Variants in SCHIP1 observed in about 807,000 individuals in gnomAD.
The protein encoded by SCHIP1 is schwannomin-interacting protein 1.
A neutral mutation model predicts 29.7 loss-of-function variants in SCHIP1; 8 were observed. That is an observed-to-expected ratio of 0.27 (90% CI 0.16 to 0.49). The LOEUF is 0.49. Among genes scored for constraint, SCHIP1 ranks in the 20% least tolerant of loss-of-function variants. The probability of loss-of-function intolerance (pLI) is 0.99; values close to 1 mark genes in which losing one functional copy is unlikely to be tolerated. For synonymous variants in SCHIP1, 76 were observed against 94.9 expected, an observed-to-expected ratio of 0.80 and a Z score of 1.16; for missense variants, 193 against 294.6, an observed-to-expected ratio of 0.66 and a Z score of 2.52.
At chr3:159,513,926 T>G in the SCHIP1 span, among the ~76,000 whole-genome samples, 1 of 152,266 alleles carries the variant, frequency 6.6e-6, no homozygotes, top group Non-Finnish European at 1.5e-5. Context: ...GATTAAAGAT[T>G]GGTCTTTCTA....
the SCHIP1 span, among the ~76,000 whole-genome samples, chr3:159,615,497 A>G: frequency 6.6e-6 from 1 of 152,236 alleles, no homozygotes; most frequent in Non-Finnish European, 1.5e-5. Flanking sequence ...AGAGAGCTAC[A>G]GTTGGCCTAC....
At chr3:159,354,692 G>C in the SCHIP1 span, among the ~76,000 whole-genome samples, 1 of 152,088 alleles carries the variant, frequency 6.6e-6, no homozygotes, top group Non-Finnish European at 1.5e-5. Context: ...AATCTGACTG[G>C]CAGGAAAAGG....
At chr3:159,776,459 G>C in the SCHIP1 span, among the ~76,000 whole-genome samples, 2 of 151,070 alleles carry the variant, frequency 1.3e-5, no homozygotes, top group South Asian at 2.1e-4. Flanking sequence ...CTCTAAAATT[G>C]GTTCGGCAAG....
chr3:159,783,372 C>T, the SCHIP1 span, among the ~76,000 whole-genome samples: 3 of 152,138 alleles, frequency 2.0e-5, no homozygotes, highest in Admixed American at 6.5e-5. Flanking sequence ...AGCTGCCCAG[C>T]CCCAGGCAAG....
the SCHIP1 span, among the ~76,000 whole-genome samples, chr3:159,657,417 A>G: frequency 6.6e-6 from 1 of 152,240 alleles, no homozygotes; most frequent in Non-Finnish European, 1.5e-5. Context: ...GTACACGTGC[A>G]TCACACTCCG....
At chr3:159,844,464 G>T (rs1711536039) in intron 1 of SCHIP1, among the ~76,000 whole-genome samples, 1 of 152,160 alleles carries the variant, frequency 6.6e-6, no homozygotes, top group Non-Finnish European at 1.5e-5. Flanking sequence ...TTCCTTACAG[G>T]ATTTATGTTA....
At chr3:159,614,924 AC>A in the SCHIP1 span, among the ~76,000 whole-genome samples, 1 of 152,242 alleles carries the variant, frequency 6.6e-6, no homozygotes, top group South Asian at 2.1e-4. Flanking sequence ...CAAGGAGGTC[AC>A]AGGACAGCCA....
At chr3:159,448,694 G>A in the SCHIP1 span, among the ~76,000 whole-genome samples, 1 of 152,146 alleles carries the variant, frequency 6.6e-6, no homozygotes, top group African/African-American at 2.4e-5. Context: ...TAAAATAAAC[G>A]AAACTATCAT....
the SCHIP1 span, among the ~76,000 whole-genome samples, chr3:159,720,212 A>G: frequency 9.1e-5 from 11 of 120,298 alleles, no homozygotes; most frequent in Non-Finnish European, 1.5e-4. Flanking sequence ...GGAACATCAC[A>G]CACCGGGGCC....
the SCHIP1 span, among the ~76,000 whole-genome samples, chr3:159,297,022 C>T: frequency 6.6e-6 from 1 of 151,842 alleles, no homozygotes; most frequent in African/African-American, 2.4e-5. Context: ...CATGCCTTGT[C>T]TTTCTGTGTC....
chr3:159,525,677 A>G, the SCHIP1 span, among the ~76,000 whole-genome samples: 1 of 152,202 alleles, frequency 6.6e-6, no homozygotes, highest in Non-Finnish European at 1.5e-5. Context: ...ATCATTATAT[A>G]CCATTTGCAT....
At chr3:159,497,258 A>G in the SCHIP1 span, among the ~76,000 whole-genome samples, 18 of 151,992 alleles carry the variant, frequency 1.2e-4, no homozygotes, top group Non-Finnish European at 1.9e-4. Flanking sequence ...TAATAAAAAA[A>G]AAAGACTGAG....
At chr3:159,862,812 T>C (rs1330303258) in intron 1 of SCHIP1, among the ~76,000 whole-genome samples, 1 of 148,602 alleles carries the variant, frequency 6.7e-6, no homozygotes, top group Non-Finnish European at 1.5e-5. Flanking sequence ...ATGAAATTTT[T>C]TAAAAAACTT....
chr3:159,765,021 C>G, the SCHIP1 span: 1 of 1,540,404 alleles, frequency 6.5e-7, no homozygotes, highest in Non-Finnish European at 8.7e-7. Context: ...CGTGCGTCCC[C>G]GAAGAGCCCC....
At position 159,866,877 on chromosome 3, in the gene SCHIP1, T is replaced by C. The variant is rs1368645360; in HGVS notation, c.149+596T>C. Among the ~76,000 whole-genome samples, 3 of 152,326 alleles carry C rather than the reference T, an allele frequency of 2.0e-5. No individual in the cohort carries two copies. In the East Asian group the frequency reaches 5.8e-4, roughly 29 times the overall value. On this transcript the variant is annotated intron_variant, in intron 2 of 6. Transcript: ENST00000445224. ...AATTCCAAGTAAGATATTTAAATTA[T>C]AATTTTATCCAAAAAACAGTGCTAT...
At chr3:159,540,331 T>C in the SCHIP1 span, among the ~76,000 whole-genome samples, 2 of 152,120 alleles carry the variant, frequency 1.3e-5, no homozygotes, top group African/African-American at 4.8e-5. Context: ...GGAAGGGCTA[T>C]TTAGTGCACT....
At chr3:159,644,879 A>C in the SCHIP1 span, among the ~76,000 whole-genome samples, 2 of 152,132 alleles carry the variant, frequency 1.3e-5, no homozygotes. Flanking sequence ...TAAAAACTAA[A>C]GTAGACAAAA....
At chr3:159,685,500 C>A in the SCHIP1 span, among the ~76,000 whole-genome samples, 1 of 152,210 alleles carries the variant, frequency 6.6e-6, no homozygotes, top group African/African-American at 2.4e-5. Flanking sequence ...TTATTTACAA[C>A]TCTTTAATTC....
the SCHIP1 span, among the ~76,000 whole-genome samples, chr3:159,461,920 C>T: frequency 6.6e-6 from 1 of 151,874 alleles, no homozygotes; most frequent in South Asian, 2.1e-4. Flanking sequence ...AATATAAAAC[C>T]ATCTGAAGGC....
Sources: allele counts gnomAD v4.1 joint callset (sites outside exome capture counted in the v4.1 genomes callset), GRCh38; gene constraint gnomAD v4.1.1; transcripts MANE v1.5; gene names NCBI Gene and HGNC (gene_info 2026-07-23, HGNC 2026-07-21).